Variants in ARMH1 observed in about 807,000 individuals in gnomAD.
The protein encoded by ARMH1 is armadillo like helical domain containing 1.
Under a neutral mutation model 50.2 loss-of-function variants are expected in ARMH1, and 34 were observed. The ratio of observed to expected loss-of-function variants is 0.68; its 90% confidence interval spans 0.51 to 0.90. The LOEUF (loss-of-function observed/expected upper bound fraction) is 0.90, where lower values mean the gene tolerates loss of function less well. ARMH1 is among the 40% of genes least tolerant of loss of function. The probability of loss-of-function intolerance (pLI) is 0.00; values close to 1 mark genes in which losing one functional copy is unlikely to be tolerated. For missense variants in ARMH1, 538 were observed against 553.9 expected (o/e 0.97, Z 0.29); for synonymous variants, 221 against 224.2 (o/e 0.99, Z 0.13).
chr1:44,698,373 G>A (rs1645899880), intron 4 of ARMH1, 144 bp downstream of exon 4: 1 of 604,598 alleles, frequency 1.7e-6, no homozygotes, highest in South Asian at 4.6e-5. Flanking sequence ...ACCACTGGAA[G>A]ACCCAGATTT....
chr1:44,721,723 A>AC (rs1466846032), intron 6 of ARMH1: 1 of 151,906 alleles, frequency 6.6e-6, no homozygotes, highest in Non-Finnish European at 1.5e-5. Context: ...TTGTGGAGCT[A>AC]CCCCAACCTC....
At chr1:44,678,839 A>G (rs1645217449) in intron 1 of ARMH1, among the ~76,000 whole-genome samples, 1 of 152,092 alleles carries the variant, frequency 6.6e-6, no homozygotes, top group African/African-American at 2.4e-5. Context: ...TAGAAACAAG[A>G]CCTATTGACC....
At chr1:44,702,461 C>G (rs1573385274) in intron 5 of ARMH1, among the ~76,000 whole-genome samples, 1 of 152,168 alleles carries the variant, frequency 6.6e-6, no homozygotes, top group Middle Eastern at 3.4e-3. Flanking sequence ...CTCCTGTAAT[C>G]CCAGCACTTT....
chr1:44,716,383 T>C (rs1646851965), intron 6 of ARMH1, among the ~76,000 whole-genome samples: 1 of 152,170 alleles, frequency 6.6e-6, no homozygotes, highest in African/African-American at 2.4e-5. Flanking sequence ...ATTTTCCCCA[T>C]TTTATGGATG....
At chr1:44,718,089 C>T (rs958232492) in intron 6 of ARMH1, among the ~76,000 whole-genome samples, 3 of 152,212 alleles carry the variant, frequency 2.0e-5, no homozygotes, top group Non-Finnish European at 2.9e-5. Flanking sequence ...CATTTGTCTC[C>T]TGGAGTATTT....
intron 6 of ARMH1, chr1:44,721,767 CT>C (rs771805577): frequency 3.3e-5 from 5 of 152,140 alleles, no homozygotes; most frequent in Non-Finnish European, 5.9e-5. Context: ...ACACGTCTCT[CT>C]TTAGTAACAG....
Position 44,698,807 on chromosome 1 carries a change from C to T in ARMH1, c.442+578C>T, listed in dbSNP as rs567767062. Among the ~76,000 whole-genome samples, 750 of 138,010 alleles carry T rather than the reference C, an allele frequency of 5.4e-3. 4 individuals are homozygous for T. Among genetic ancestry groups the T allele is most frequent in the Non-Finnish European group, 9.4e-3 (581 of 61,752 alleles). 90.5% of individuals were successfully genotyped at this position (138,010 alleles called of 152,430 possible). On this transcript the variant is annotated intron_variant, in intron 4 of 11. Coordinates refer to ENST00000535358, the MANE Select transcript of ARMH1 (RefSeq NM_001145636.2). Reference sequence around the variant, plus strand: ...CAGCCTGGGCAACAAAAGTGAAACTCCATCTCAAAAAAAAAAAAAAGAAAT... The same window carrying T: ...CAGCCTGGGCAACAAAAGTGAAACTTCATCTCAAAAAAAAAAAAAAGAAAT...
chr1:44,718,793 G>A (rs1156953815), intron 6 of ARMH1, among the ~76,000 whole-genome samples: 1 of 152,154 alleles, frequency 6.6e-6, no homozygotes, highest in African/African-American at 2.4e-5. Flanking sequence ...GGGAGGCCGA[G>A]GCAGGCGGAT....
intron 6 of ARMH1, among the ~76,000 whole-genome samples, chr1:44,722,623 A>C (rs564711570): frequency 6.6e-6 from 1 of 152,136 alleles, no homozygotes; most frequent in East Asian, 1.9e-4. Flanking sequence ...AGACGCCTGT[A>C]ATCCCAGCTT....
chr1:44,716,752 C>T (rs959201986), intron 6 of ARMH1, among the ~76,000 whole-genome samples: 4 of 152,158 alleles, frequency 2.6e-5, no homozygotes, highest in African/African-American at 9.7e-5. Context: ...TCCAGTATGG[C>T]GCCCACACAC....
chr1:44,705,089 C>A (rs527856251), intron 6 of ARMH1, among the ~76,000 whole-genome samples: 1 of 149,616 alleles, frequency 6.7e-6, no homozygotes, highest in South Asian at 2.3e-4. Flanking sequence ...CCCGCCTCGG[C>A]CTCCCAAAGT....
At chr1:44,704,010 G>T in intron 5 of ARMH1, 79 bp from the exon 6 acceptor site, 1 of 1,205,146 alleles carries the variant, frequency 8.3e-7, no homozygotes, top group Non-Finnish European at 1.2e-6. Flanking sequence ...ACAGGCGTGA[G>T]CCACCGCACC....
Position 44,682,082 on chromosome 1 carries a change from C to T in ARMH1, c.-23+7209C>T, listed in dbSNP as rs141164725. Among the ~76,000 whole-genome samples, 414 of 152,296 alleles carry T rather than the reference C, an allele frequency of 2.7e-3. No homozygotes were observed. Among genetic ancestry groups the T allele is most frequent in the Non-Finnish European group, 4.9e-3 (333 of 68,024 alleles). ...GTTAACCAATCCCAAGCCCAGTGCT[C>T]GGCTCAGAGTTGGCACCTGGGAATC... On this transcript the variant is annotated intron_variant, in intron 1 of 11. Transcript: ENST00000535358. This position sits in a 1 kb window ranked among gnomAD's most constrained non-coding sequence, Gnocchi z 4.5.
chr1:44,697,906 G>T (rs2148648789), intron 3 of ARMH1, among the ~76,000 whole-genome samples, 157 bp from the exon 4 acceptor site: 1 of 152,300 alleles, frequency 6.6e-6, no homozygotes, highest in East Asian at 1.9e-4. Context: ...TTTCCTGCTG[G>T]AAGGAAGAAT....
At chr1:44,701,191 C>G in intron 5 of ARMH1, 72 bp downstream of exon 5, 1 of 1,392,736 alleles carries the variant, frequency 7.2e-7, no homozygotes, top group East Asian at 2.5e-5. Context: ...TCCGCAGTTG[C>G]TCTCCACACA....
chr1:44,702,165 TA>T (rs1646111768), intron 5 of ARMH1, among the ~76,000 whole-genome samples: 1 of 152,130 alleles, frequency 6.6e-6, no homozygotes, highest in Non-Finnish European at 1.5e-5. Flanking sequence ...AGTTCCCAGT[TA>T]TTAAGTGCCT....
intron 2 of ARMH1, among the ~76,000 whole-genome samples, chr1:44,691,749 C>T (rs1158130814): frequency 1.3e-5 from 2 of 152,134 alleles, no homozygotes; most frequent in Non-Finnish European, 2.9e-5. Context: ...TATTCCATAC[C>T]CATATATCCA....
Position 44,682,969 on chromosome 1 carries a change from C to T in ARMH1, c.-22-6707C>T, listed in dbSNP as rs960556146. Among the ~76,000 whole-genome samples the T allele has an allele frequency of 6.6e-6, 1 of 152,114 alleles. No homozygotes were observed. The highest frequency in any genetic ancestry group is 2.4e-5 in the African/African-American group (1 of 41,410). On this transcript the variant is annotated intron_variant, in intron 1 of 11. Transcript: ENST00000535358. The surrounding 1 kb of genome is among the most constrained non-coding windows in gnomAD (Gnocchi z 4.5). ...ATAAAAATAAAAATAAAAAATCTCA[C>T]ATCACTGTGGAGTTTAGGCTGGGGC... is the stretch of plus-strand genomic sequence containing the variant.
intron 1 of ARMH1, 74 bp from the exon 2 acceptor site, chr1:44,689,602 G>T: frequency 5.9e-6 from 7 of 1,186,886 alleles, no homozygotes; most frequent in South Asian, 1.4e-5. Context: ...GCCTGCAGTT[G>T]ATTGCTAGAA....
Sources: allele counts gnomAD v4.1 joint callset (sites outside exome capture counted in the v4.1 genomes callset), GRCh38; gene constraint gnomAD v4.1.1; non-coding constraint Gnocchi (gnomAD v3.1); transcripts MANE v1.5; gene names NCBI Gene and HGNC (gene_info 2026-07-23, HGNC 2026-07-21).